The following SUPT3H variants were observed in gnomAD, a reference collection of about 807,000 sequenced individuals.
SUPT3H encodes the protein SPT3 homolog, SAGA and STAGA complex component, also known as transcription initiation protein SPT3 homolog.
In SUPT3H, 44 loss-of-function variants were observed where a neutral mutation model predicts 44.3. The observed-to-expected ratio is 0.99, with a 90% CI of 0.78 to 1.28. SUPT3H has a LOEUF of 1.28. Among genes scored for constraint, SUPT3H ranks in the 50% most tolerant of loss-of-function variants. The probability of loss-of-function intolerance (pLI) is 0.00; values close to 1 mark genes in which losing one functional copy is unlikely to be tolerated. For synonymous variants in SUPT3H, 124 were observed against 125.6 expected (o/e 0.99, Z 0.09); for missense variants, 380 against 387.1 (o/e 0.98, Z 0.15).
intron 10 of SUPT3H, among the ~76,000 whole-genome samples, chr6:44,905,181 A>T (rs1735720455): frequency 6.6e-6 from 1 of 152,116 alleles, no homozygotes; most frequent in African/African-American, 2.4e-5. Flanking sequence ...GGATCTAATT[A>T]AACTAAAGAG....
intron 2 of SUPT3H, among the ~76,000 whole-genome samples, chr6:45,279,995 G>C (rs927718191): frequency 1.3e-5 from 2 of 152,104 alleles, no homozygotes; most frequent in African/African-American, 4.8e-5. Flanking sequence ...AACAACTTTT[G>C]AGTCATTTTA....
chr6:44,952,704 C>G (rs1774493085), intron 9 of SUPT3H, among the ~76,000 whole-genome samples: 2 of 152,154 alleles, frequency 1.3e-5, no homozygotes, highest in Non-Finnish European at 2.9e-5. Flanking sequence ...ATGCTGTTTA[C>G]AGAGGAGATT....
chr6:44,925,495 AGATTTAGGCATTACAGATGG>A (rs1439095688), intron 10 of SUPT3H, among the ~76,000 whole-genome samples: 1 of 152,244 alleles, frequency 6.6e-6, no homozygotes, highest in Non-Finnish European at 1.5e-5. Flanking sequence ...AAACTAAAAT[AGATTTAGGCATTACAGATGG>A]GATTATGTCA....
At chr6:45,140,176 C>T (rs954804176) in intron 2 of SUPT3H, among the ~76,000 whole-genome samples, 4 of 152,090 alleles carry the variant, frequency 2.6e-5, no homozygotes, top group African/African-American at 9.7e-5. Flanking sequence ...CACTGGCCTG[C>T]AAACCACCCC....
chr6:44,968,092 C>CA (rs565294209), intron 6 of SUPT3H, among the ~76,000 whole-genome samples: 6 of 152,014 alleles, frequency 3.9e-5, no homozygotes, highest in South Asian at 2.1e-4. Context: ...TGCACCTGGC[C>CA]AAAAAATTTT....
chr6:44,919,273 T>C (rs1768274161), intron 10 of SUPT3H, among the ~76,000 whole-genome samples: 1 of 152,178 alleles, frequency 6.6e-6, no homozygotes. Flanking sequence ...CCAAAGCTAT[T>C]GCAGGCATGG....
intron 10 of SUPT3H, among the ~76,000 whole-genome samples, chr6:44,891,944 C>T (rs1251643988): frequency 2.0e-5 from 3 of 151,790 alleles, no homozygotes; most frequent in African/African-American, 7.3e-5. Context: ...TCCTAAGTGT[C>T]CTAATAAAAT....
intron 2 of SUPT3H, among the ~76,000 whole-genome samples, chr6:45,192,175 T>A (rs541468936): frequency 1.3e-5 from 2 of 152,258 alleles, no homozygotes; most frequent in South Asian, 4.1e-4. Context: ...TTCTAATATC[T>A]TTTACAGGCA....
At chr6:45,138,876 A>G (rs1804734404) in intron 2 of SUPT3H, among the ~76,000 whole-genome samples, 1 of 152,218 alleles carries the variant, frequency 6.6e-6, no homozygotes, top group Non-Finnish European at 1.5e-5. Context: ...AATAAATCTG[A>G]AAAAAGCTAA....
intron 2 of SUPT3H, among the ~76,000 whole-genome samples, chr6:45,337,749 C>T (rs1022332645): frequency 7.2e-5 from 11 of 151,910 alleles, no homozygotes; most frequent in East Asian, 5.8e-4. Context: ...AAATCTAAGA[C>T]GCCCCTCCAC....
intron 1 of SUPT3H, among the ~76,000 whole-genome samples, chr6:45,367,535 G>A (rs553882778): frequency 1.8e-4 from 28 of 152,100 alleles, no homozygotes; most frequent in Non-Finnish European, 2.8e-4. Flanking sequence ...TGCAGAATTG[G>A]GACAAAATGC....
At chr6:44,948,861 T>C (rs1325416108) in intron 9 of SUPT3H, among the ~76,000 whole-genome samples, 1 of 152,130 alleles carries the variant, frequency 6.6e-6, no homozygotes, top group Non-Finnish European at 1.5e-5. Context: ...GAACTAGAAA[T>C]ACCATTTGAC....
chr6:45,239,567 T>G (rs930791548), intron 2 of SUPT3H, among the ~76,000 whole-genome samples: 3 of 152,244 alleles, frequency 2.0e-5, no homozygotes, highest in Admixed American at 2.0e-4. Flanking sequence ...GTTCCCTCGT[T>G]TGGGAGACTA....
chr6:45,204,680 T>A (rs1396289968), intron 2 of SUPT3H, among the ~76,000 whole-genome samples: 2 of 152,162 alleles, frequency 1.3e-5, no homozygotes, highest in Non-Finnish European at 2.9e-5. Context: ...AATTTCCAAA[T>A]CTTGATGCAG....
intron 3 of SUPT3H, among the ~76,000 whole-genome samples, chr6:45,101,284 T>G (rs1311653305): frequency 2.0e-5 from 3 of 152,006 alleles, no homozygotes; most frequent in African/African-American, 7.2e-5. Flanking sequence ...AATTAGCTGG[T>G]CATGGTGGCG....
At chr6:45,227,088 T>C (rs988503675) in intron 2 of SUPT3H, among the ~76,000 whole-genome samples, 4 of 151,250 alleles carry the variant, frequency 2.6e-5, no homozygotes, top group South Asian at 2.1e-4. Flanking sequence ...CAAGGGATCA[T>C]CCTGCTTCAG....
intron 3 of SUPT3H, among the ~76,000 whole-genome samples, chr6:45,088,559 T>C (rs953050975): frequency 6.6e-6 from 1 of 152,062 alleles, no homozygotes; most frequent in Non-Finnish European, 1.5e-5. Context: ...CTCAAGACTG[T>C]ATAACTGGCA....
chr6:45,350,470 A>G (rs1791782525), intron 2 of SUPT3H, among the ~76,000 whole-genome samples: 1 of 152,198 alleles, frequency 6.6e-6, no homozygotes, highest in Non-Finnish European at 1.5e-5. Context: ...CTATTTCAAC[A>G]AAGGAAGCAG....
At chr6:45,121,877 C>A (rs2153579644) in intron 2 of SUPT3H, among the ~76,000 whole-genome samples, 1 of 151,944 alleles carries the variant, frequency 6.6e-6, no homozygotes, top group East Asian at 1.9e-4. Flanking sequence ...GGGGTTTCAC[C>A]ATGTTGGCCA....
Sources: allele counts gnomAD v4.1 joint callset (sites outside exome capture counted in the v4.1 genomes callset), GRCh38; gene constraint gnomAD v4.1.1; transcripts MANE v1.5; gene names NCBI Gene and HGNC (gene_info 2026-07-23, HGNC 2026-07-21).